Variants in VGLL4 observed in about 807,000 individuals in gnomAD.
VGLL4 encodes the protein vestigial like family member 4, also known as transcription cofactor vestigial-like protein 4.
Under a neutral mutation model 21.0 loss-of-function variants are expected in VGLL4, and 7 were observed. That is an observed-to-expected ratio of 0.33 (90% confidence interval 0.19 to 0.63). The LOEUF is 0.63. VGLL4 is among the 20% of genes least tolerant of loss of function. VGLL4 has a pLI of 0.78. For missense variants in VGLL4, 394 were observed against 425.7 expected (o/e 0.93, Z 0.66); for synonymous variants, 222 against 173.2 (o/e 1.28, Z -2.21).
rs151017585 is a variant in VGLL4 at position 11,681,329 on chromosome 3, C to T, written c.64+21642G>A. ...CGGCAAGATGGTCTCAAACTCCTGACCTTGTGATCCACCTGCCCCAGCCTC... is the reference window on the plus strand; with the variant it reads ...CGGCAAGATGGTCTCAAACTCCTGATCTTGTGATCCACCTGCCCCAGCCTC... On this transcript the variant is annotated intron_variant, in intron 2 of 5. Transcript: ENST00000273038. 9.7e-3 allele frequency among the ~76,000 whole-genome samples: 1,474 copies of T among 152,322 alleles called. 18 individuals carry two copies. The highest frequency in any genetic ancestry group is 0.033 in the African/African-American group (1,379 of 41,570).
In VGLL4 at chr3:11,568,458, A is replaced by T; in HGVS notation, c.273-3439T>A. The T allele has an allele frequency of 2.6e-6, 3 of 1,142,104 alleles. No homozygotes were observed. The highest frequency in any genetic ancestry group is 3.8e-6 in the Non-Finnish European group (3 of 791,738). 70.7% of individuals were successfully genotyped at this position (1,142,104 alleles called of 1,614,324 possible). A position where few individuals can be genotyped will look rare whatever the true frequency, so the allele number is the denominator to read the frequency against. The stretch of plus-strand genomic sequence containing the variant: ...CCACCCTACGCAGGGCAGCAGGGAG[A>T]AGGGGACTTCCAGGCCCACTAACTG... On this transcript the variant is annotated intron_variant, in intron 2 of 4. Coordinates refer to ENST00000430365, the MANE Select transcript of VGLL4 (RefSeq NM_001128219.3). The surrounding 1 kb of genome is among the most constrained non-coding windows in gnomAD (Gnocchi z 5.9).
intron 1 of VGLL4, among the ~76,000 whole-genome samples, chr3:11,619,895 T>C (rs905175562): frequency 6.6e-6 from 1 of 152,286 alleles, no homozygotes; most frequent in Admixed American, 6.5e-5. Context: ...TAAGACTCCC[T>C]AGAATGACTT....
At chr3:11,648,163 A>G (rs11128566), upstream of VGLL4, among the ~76,000 whole-genome samples, 11,844 of 152,216 alleles carry the variant, frequency 0.078, 820 homozygotes, top group African/African-American at 0.16. Context: ...CTACGAATGA[A>G]TAAGTTTGAT....
rs917676632 is a variant in VGLL4 at position 11,557,102 on chromosome 3, G to C, written c.*1454C>G. On this transcript the variant is annotated 3_prime_UTR_variant, in exon 5 of 5. Transcript: ENST00000430365. ...TGCCATCGTCGTGAGCCTCTGGTGG[G>C]CCAGGTGGGACACAGCACACCCCAG... 2 of 152,530 alleles carry C rather than the reference G, an allele frequency of 1.3e-5. No homozygotes were observed. Among genetic ancestry groups the C allele is most frequent in the Non-Finnish European group, 2.9e-5 (2 of 68,068 alleles). The allele number at this position is 152,530 out of a possible 1,614,324, so 9.4% of individuals were successfully genotyped here.
At chr3:11,566,088 A>C (rs1457065799) in intron 2 of VGLL4, among the ~76,000 whole-genome samples, 1 of 152,232 alleles carries the variant, frequency 6.6e-6, no homozygotes, top group Admixed American at 6.5e-5. Context: ...AGAAAAGCCT[A>C]GGCCTGCCCT....
chr3:11,641,118 CAAAAAAAAA>C (rs10547055), intron 1 of VGLL4, among the ~76,000 whole-genome samples: 1 of 91,818 alleles, frequency 1.1e-5, no homozygotes, highest in Admixed American at 1.2e-4. Flanking sequence ...ACTTCATCAC[CAAAAAAAAA>C]AAAAAAAAAA....
At chr3:11,564,623 G>T in intron 3 of VGLL4, 174 bp downstream of exon 3, 1 of 758,774 alleles carries the variant, frequency 1.3e-6, no homozygotes, top group South Asian at 1.8e-5. Flanking sequence ...CTGTTCTGCT[G>T]TCCCTTGTCC....
chr3:11,656,844 G>GCAA (rs2075966220), intron 2 of VGLL4, among the ~76,000 whole-genome samples: 2 of 152,198 alleles, frequency 1.3e-5, no homozygotes, highest in South Asian at 4.1e-4. Flanking sequence ...TGTGACCCCA[G>GCAA]CAACAACGAA....
chr3:11,643,354 C>T lies in VGLL4; in HGVS notation c.82+83G>A, dbSNP rs1234023313. 4 of 1,604,726 alleles carry T rather than the reference C, an allele frequency of 2.5e-6. No individual in the cohort carries two copies. The African/African-American group carries it at 4.0e-5, about 16-fold the overall frequency. On this transcript the variant is annotated intron_variant, in intron 1 of 4. Transcript: ENST00000430365. ...CTACACCCCGGAGGAGGACAGCGGG[C>T]GCTTAGAAGGCAGGCACCCAGCACA...
chr3:11,720,177 G>A (rs2124845044), intron 1 of VGLL4, among the ~76,000 whole-genome samples: 1 of 151,996 alleles, frequency 6.6e-6, no homozygotes, highest in South Asian at 2.1e-4. Context: ...AGCGCCCGGA[G>A]TTCAGCCGAA....
In VGLL4 at chr3:11,568,845, G is replaced by A. The variant is rs530156846; in HGVS notation, c.273-3826C>T. The A allele has an allele frequency of 1.0e-5, 14 of 1,392,612 alleles. No homozygotes were observed. Among genetic ancestry groups the A allele is most frequent in the Admixed American group, 3.1e-5 (1 of 32,762 alleles). The allele number at this position is 1,392,612 out of a possible 1,614,324, so 86.3% of individuals were successfully genotyped here. On this transcript the variant is annotated intron_variant, in intron 2 of 4. Transcript: ENST00000430365. The surrounding 1 kb of genome is among the most constrained non-coding windows in gnomAD (Gnocchi z 5.9). ...CACCCAAAGGACTCTGAGTGGCTCC[G>A]TGCCAGGCCTATCAGAGCCGCTGAG...
At chr3:11,663,546 T>C (rs1397336092) in intron 2 of VGLL4, among the ~76,000 whole-genome samples, 1 of 151,868 alleles carries the variant, frequency 6.6e-6, no homozygotes, top group East Asian at 2.0e-4. Flanking sequence ...GGCAAAACCT[T>C]GTCTCTACTA....
At chr3:11,673,919 G>A (rs554060732) in intron 2 of VGLL4, among the ~76,000 whole-genome samples, 2 of 148,748 alleles carry the variant, frequency 1.3e-5, no homozygotes, top group African/African-American at 5.0e-5. Flanking sequence ...GGCTGAGGCA[G>A]GAGAATCACT....
chr3:11,683,361 G>C (rs1426658511), intron 2 of VGLL4, among the ~76,000 whole-genome samples: 1 of 152,158 alleles, frequency 6.6e-6, no homozygotes, highest in African/African-American at 2.4e-5. Context: ...AACCTCTATG[G>C]AAAGCAGTAT....
At chr3:11,692,298 CAG>C (rs1335386580) in intron 2 of VGLL4, among the ~76,000 whole-genome samples, 2 of 152,132 alleles carry the variant, frequency 1.3e-5, no homozygotes, top group African/African-American at 4.8e-5. Flanking sequence ...ATAAAAATAG[CAG>C]AGACACTGGT....
intron 1 of VGLL4, among the ~76,000 whole-genome samples, chr3:11,642,378 G>A (rs949115326): frequency 7.2e-5 from 11 of 152,128 alleles, no homozygotes; most frequent in African/African-American, 2.7e-4. Flanking sequence ...TAGGAAACAG[G>A]CCTGAAGTTT....
intron 2 of VGLL4, among the ~76,000 whole-genome samples, chr3:11,597,717 C>T (rs2074680221): frequency 6.6e-6 from 1 of 152,122 alleles, no homozygotes; most frequent in African/African-American, 2.4e-5. Flanking sequence ...TTTAGTCCAT[C>T]AGGGAGATGG....
chr3:11,598,964 A>G (rs531362543), intron 2 of VGLL4, among the ~76,000 whole-genome samples: 56 of 152,352 alleles, frequency 3.7e-4, no homozygotes, highest in African/African-American at 1.3e-3. Flanking sequence ...TCAAATAATT[A>G]TGAATCTGTC....
In VGLL4 at chr3:11,676,295, A is replaced by G. The variant is rs183623990; in HGVS notation, c.64+26676T>C. On this transcript the variant is annotated intron_variant, in intron 2 of 5. Transcript: ENST00000273038. ...CCAGCTACTCGGGAGGCTGAGGCAGAAGAATGGCGTGAACCCAGGAGGCGG... is the reference window on the plus strand; with the variant it reads ...CCAGCTACTCGGGAGGCTGAGGCAGGAGAATGGCGTGAACCCAGGAGGCGG... 5.1e-3 allele frequency among the ~76,000 whole-genome samples: 780 copies of G among 151,966 alleles called. 6 individuals are homozygous for G. The highest frequency in any genetic ancestry group is 0.017 in the African/African-American group (706 of 41,418).
Sources: allele counts gnomAD v4.1 joint callset (sites outside exome capture counted in the v4.1 genomes callset), GRCh38; gene constraint gnomAD v4.1.1; non-coding constraint Gnocchi (gnomAD v3.1); transcripts MANE v1.5; gene names NCBI Gene and HGNC (gene_info 2026-07-23, HGNC 2026-07-21).